The following ROBO1 variants were observed in gnomAD, a reference collection of about 807,000 sequenced individuals.
ROBO1 encodes the protein roundabout homolog 1.
In ROBO1, 149 loss-of-function variants were observed where a neutral mutation model predicts 195.9. That is an observed-to-expected ratio of 0.76 (90% CI 0.67 to 0.87). ROBO1 has a LOEUF of 0.87. Among genes scored for constraint, ROBO1 ranks in the 40% least tolerant of loss-of-function variants. The pLI is 0.00. For missense variants in ROBO1, 1,933 were observed against 2,068.3 expected, an observed-to-expected ratio of 0.93 and a Z score of 1.27; for synonymous variants, 816 against 733.2, an observed-to-expected ratio of 1.11 and a Z score of -1.82.
At chr3:79,526,219 T>A (rs1941426987) in intron 2 of ROBO1, among the ~76,000 whole-genome samples, 1 of 152,196 alleles carries the variant, frequency 6.6e-6, no homozygotes, top group African/African-American at 2.4e-5. Context: ...ATGTTTAAAG[T>A]TAACATTTTG....
intron 2 of ROBO1, among the ~76,000 whole-genome samples, chr3:79,354,693 ACACATTTGC>A (rs1329822498): frequency 6.6e-6 from 1 of 152,140 alleles, no homozygotes; most frequent in East Asian, 1.9e-4. Context: ...GTCTATTTTG[ACACATTTGC>A]CACAATCTAC....
intron 2 of ROBO1, among the ~76,000 whole-genome samples, chr3:79,412,046 C>G (rs1483329519): frequency 2.0e-5 from 3 of 152,120 alleles, no homozygotes; most frequent in African/African-American, 7.2e-5. Flanking sequence ...TAAAAATAAC[C>G]TCTATTGAGA....
intron 4 of ROBO1, among the ~76,000 whole-genome samples, chr3:78,784,046 G>A (rs1032417867): frequency 7.9e-5 from 12 of 151,798 alleles, no homozygotes; most frequent in South Asian, 2.1e-4. Context: ...AAGTAACTAC[G>A]CAGAAAAAAA....
chr3:78,826,678 A>G (rs2031641527), intron 4 of ROBO1, among the ~76,000 whole-genome samples: 1 of 152,206 alleles, frequency 6.6e-6, no homozygotes, highest in South Asian at 2.1e-4. Flanking sequence ...TATGAAGAAG[A>G]AAGTAAAGGG....
chr3:78,792,743 A>G (rs1242622648), intron 4 of ROBO1, among the ~76,000 whole-genome samples: 1 of 152,112 alleles, frequency 6.6e-6, no homozygotes, highest in Non-Finnish European at 1.5e-5. Flanking sequence ...CCTCTTGTAT[A>G]TTTTCATATT....
Position 79,177,374 on chromosome 3 carries a change from C to G in ROBO1, c.89-51835G>C, listed in dbSNP as rs141649356. Among the ~76,000 whole-genome samples the G allele has an allele frequency of 5.4e-3, 815 of 152,322 alleles. 4 individuals carry two copies. The highest frequency in any genetic ancestry group is 8.6e-3 in the Non-Finnish European group (583 of 68,030). ...CAAGTGCATTGCCTCAGATGGAGTG[C>G]TGTTCCAGCACAGACCAGACCCCTT... On this transcript the variant is annotated intron_variant, in intron 2 of 30. Coordinates refer to ENST00000464233, the MANE Select transcript of ROBO1 (RefSeq NM_002941.4).
At chr3:79,430,504 G>A (rs2038634000) in intron 2 of ROBO1, among the ~76,000 whole-genome samples, 1 of 152,036 alleles carries the variant, frequency 6.6e-6, no homozygotes, top group Non-Finnish European at 1.5e-5. Context: ...ATGAACGGTT[G>A]GGCCACCCTA....
At chr3:79,083,179 G>A (rs996498542) in intron 3 of ROBO1, among the ~76,000 whole-genome samples, 4 of 152,126 alleles carry the variant, frequency 2.6e-5, no homozygotes, top group Non-Finnish European at 4.4e-5. Flanking sequence ...CTGAGCCACA[G>A]AGTGAGACTC....
At chr3:78,989,130 G>A (rs373021393) in intron 3 of ROBO1, among the ~76,000 whole-genome samples, 5 of 152,190 alleles carry the variant, frequency 3.3e-5, no homozygotes, top group Admixed American at 1.3e-4. Flanking sequence ...ACTGTGAAAT[G>A]ACTATAGCTA....
chr3:79,305,057 C>A (rs1294910569), intron 2 of ROBO1, among the ~76,000 whole-genome samples: 4 of 152,104 alleles, frequency 2.6e-5, no homozygotes, highest in Admixed American at 2.6e-4. Context: ...TTAGGTGTGT[C>A]CCTACTTAAA....
chr3:78,749,771 T>C (rs2108298523), intron 4 of ROBO1, among the ~76,000 whole-genome samples: 1 of 152,292 alleles, frequency 6.6e-6, no homozygotes, highest in South Asian at 2.1e-4. Flanking sequence ...CATCCATAAG[T>C]ATTCCCAGAT....
chr3:78,885,713 G>T (rs1458293822), intron 4 of ROBO1, among the ~76,000 whole-genome samples: 1 of 150,888 alleles, frequency 6.6e-6, no homozygotes, highest in Admixed American at 6.6e-5. Context: ...GTGACACAGA[G>T]AGGTTTACTC....
chr3:79,077,037 C>T (rs1235259204), intron 3 of ROBO1, among the ~76,000 whole-genome samples: 5 of 151,780 alleles, frequency 3.3e-5, no homozygotes, highest in South Asian at 4.1e-4. Flanking sequence ...TCAAGGTGTA[C>T]AATGTGGTGA....
intron 2 of ROBO1, among the ~76,000 whole-genome samples, chr3:79,138,988 CA>C (rs1460180897): frequency 2.6e-5 from 4 of 151,548 alleles, no homozygotes; most frequent in Non-Finnish European, 5.9e-5. Flanking sequence ...AAAAGTGTTA[CA>C]ATTCTCAAAA....
At chr3:78,669,978 A>T (rs911459305) in intron 11 of ROBO1, 118 bp downstream of exon 11, 3 of 682,598 alleles carry the variant, frequency 4.4e-6, no homozygotes, top group African/African-American at 3.6e-5. Flanking sequence ...TTAAAAATAT[A>T]TTACTACTCT....
At chr3:79,040,183 G>A (rs952099865) in intron 3 of ROBO1, among the ~76,000 whole-genome samples, 3 of 152,092 alleles carry the variant, frequency 2.0e-5, no homozygotes, top group East Asian at 3.8e-4. Flanking sequence ...ACTAAACTGC[G>A]ACAAGAGATA....
intron 1 of ROBO1, among the ~76,000 whole-genome samples, chr3:79,752,829 A>C (rs1704192292): frequency 6.6e-6 from 1 of 152,172 alleles, no homozygotes; most frequent in South Asian, 2.1e-4. Flanking sequence ...GAATATTAGA[A>C]AGAATATGAC....
At chr3:78,696,191 C>T (rs2107897126) in intron 8 of ROBO1, among the ~76,000 whole-genome samples, 1 of 150,024 alleles carries the variant, frequency 6.7e-6, no homozygotes, top group South Asian at 2.1e-4. Flanking sequence ...TAACATTCGA[C>T]ATTTATGGGA....
chr3:79,185,144 A>G (rs1559720244), intron 2 of ROBO1, among the ~76,000 whole-genome samples: 1 of 152,168 alleles, frequency 6.6e-6, no homozygotes, highest in Non-Finnish European at 1.5e-5. Context: ...TAACTGGACA[A>G]CTAATGTTGA....
Sources: allele counts gnomAD v4.1 joint callset (sites outside exome capture counted in the v4.1 genomes callset), GRCh38; gene constraint gnomAD v4.1.1; transcripts MANE v1.5; gene names NCBI Gene and HGNC (gene_info 2026-07-23, HGNC 2026-07-21).